The following CNTNAP2 variants were observed in gnomAD, a reference collection of about 807,000 sequenced individuals.
CNTNAP2 encodes contactin-associated protein-like 2.
In CNTNAP2, 98 loss-of-function variants were observed where a neutral mutation model predicts 155.2. That is an observed-to-expected ratio of 0.63 (90% CI 0.54 to 0.75). The LOEUF (loss-of-function observed/expected upper bound fraction) is 0.75, where lower values mean the gene tolerates loss of function less well. Among genes scored for constraint, CNTNAP2 ranks in the 30% least tolerant of loss-of-function variants. CNTNAP2 has a pLI of 0.00. For missense variants in CNTNAP2, 1,727 were observed against 1,688.1 expected (o/e 1.02, Z -0.40); for synonymous variants, 651 against 631.2 (o/e 1.03, Z -0.47).
chr7:146,537,017 C>T (rs888920474), intron 1 of CNTNAP2, among the ~76,000 whole-genome samples: 26 of 151,996 alleles, frequency 1.7e-4, no homozygotes, highest in South Asian at 6.2e-4. Flanking sequence ...TATATTTGAA[C>T]GGTTAAAATT....
intron 1 of CNTNAP2, among the ~76,000 whole-genome samples, chr7:146,151,661 T>C (rs1449369917): frequency 0.011 from 428 of 40,476 alleles, 10 homozygotes; most frequent in Admixed American, 0.015. Flanking sequence ...TATATATATA[T>C]ATATATATAT....
At chr7:146,865,506 A>G (rs1262201391) in intron 3 of CNTNAP2, among the ~76,000 whole-genome samples, 6 of 152,164 alleles carry the variant, frequency 3.9e-5, no homozygotes, top group Admixed American at 3.9e-4. Context: ...ATATATATGG[A>G]GAATTAAATT....
In CNTNAP2 at chr7:147,125,815, G is replaced by GA. The variant is rs371767673; in HGVS notation, c.940-2871dup. Among the ~76,000 whole-genome samples, 200 of 152,180 alleles carry GA rather than the reference G, an allele frequency of 1.3e-3. 1 individual carries two copies. Among genetic ancestry groups the GA allele is most frequent in the African/African-American group, 4.6e-3 (192 of 41,548 alleles). The stretch of plus-strand genomic sequence containing the variant: ...TATGAGGAGGCAACAGGAAGTAATA[G>GA]AAAAAAATGTGTGTGAGTTAAGATT... On this transcript the variant is annotated intron_variant, in intron 6 of 23. Transcript: ENST00000361727.
intron 13 of CNTNAP2, among the ~76,000 whole-genome samples, chr7:147,886,342 G>A (rs1412953533): frequency 1.3e-5 from 2 of 151,788 alleles, no homozygotes; most frequent in Non-Finnish European, 1.5e-5. Flanking sequence ...AGGTGTGGTG[G>A]CAGGCACCTG....
At chr7:146,979,825 A>G (rs1367167379) in intron 3 of CNTNAP2, among the ~76,000 whole-genome samples, 1 of 152,226 alleles carries the variant, frequency 6.6e-6, no homozygotes, top group African/African-American at 2.4e-5. Flanking sequence ...CTGACTCCTT[A>G]TAAGAGGACT....
In CNTNAP2 at chr7:148,393,770, GA is replaced by G. The variant is rs372032005; in HGVS notation, c.3715+9887del. Among the ~76,000 whole-genome samples the G allele has an allele frequency of 2.6e-4, 39 of 152,030 alleles. No homozygotes were observed. In the South Asian group the frequency reaches 7.1e-3, roughly 28 times the overall value. On this transcript the variant is annotated intron_variant, in intron 22 of 23. Coordinates refer to ENST00000361727, the MANE Select transcript of CNTNAP2 (RefSeq NM_014141.6). ...TCTTTTAAATGTGGCTGTTCTATAT[GA>G]AAAATAAAATTTTCTTGTTATAGTT... is the stretch of plus-strand genomic sequence containing the variant.
At chr7:146,515,591 T>G (rs1797529300) in intron 1 of CNTNAP2, among the ~76,000 whole-genome samples, 1 of 152,068 alleles carries the variant, frequency 6.6e-6, no homozygotes. Context: ...CCCACTTTTG[T>G]TGCTCTTCCT....
intron 3 of CNTNAP2, among the ~76,000 whole-genome samples, chr7:146,851,713 T>G (rs1358241095): frequency 2.1e-5 from 3 of 146,174 alleles, no homozygotes; most frequent in African/African-American, 7.6e-5. Context: ...TTGATGGTAT[T>G]GCTCTGTCAC....
chr7:146,744,985 C>A (rs1183490655), intron 1 of CNTNAP2, among the ~76,000 whole-genome samples: 1 of 152,144 alleles, frequency 6.6e-6, no homozygotes, highest in Non-Finnish European at 1.5e-5. Flanking sequence ...ATATTCAACT[C>A]CCTAATCCAA....
At chr7:147,363,840 T>C (rs183431454) in intron 9 of CNTNAP2, among the ~76,000 whole-genome samples, 2 of 152,334 alleles carry the variant, frequency 1.3e-5, no homozygotes, top group East Asian at 3.9e-4. Flanking sequence ...ATCTAGCACA[T>C]GCAGTTTTAG....
chr7:147,772,566 C>T (rs1225365157), intron 13 of CNTNAP2, among the ~76,000 whole-genome samples: 1 of 148,996 alleles, frequency 6.7e-6, no homozygotes, highest in Non-Finnish European at 1.5e-5. Context: ...CACAGCTGCA[C>T]AGTTCCAGTA....
At chr7:147,373,347 A>AT (rs34586893) in intron 9 of CNTNAP2, among the ~76,000 whole-genome samples, 1 of 152,024 alleles carries the variant, frequency 6.6e-6, no homozygotes, top group Non-Finnish European at 1.5e-5. Flanking sequence ...GTCTTACTAG[A>AT]TTTTTTTAAC....
intron 8 of CNTNAP2, among the ~76,000 whole-genome samples, chr7:147,216,960 T>C (rs1354603774): frequency 6.6e-6 from 1 of 152,042 alleles, no homozygotes; most frequent in African/African-American, 2.4e-5. Flanking sequence ...AGTATGTTCT[T>C]AATTTCAAAT....
rs900800055 is a variant in CNTNAP2, at chr7:147,561,699, A to G, written c.1778-439A>G. 1.1e-4 allele frequency among the ~76,000 whole-genome samples: 16 copies of G among 152,124 alleles called. 1 individual carries two copies. The highest frequency in any genetic ancestry group is 9.2e-4 in the Admixed American group (14 of 15,268). ...AAAAAATAAGTGTGCATGTGAGTGT[A>G]TGTGTGTGTGTGCACAAGAGAGAGG... On this transcript the variant is annotated intron_variant, in intron 11 of 23. Transcript: ENST00000361727.
At chr7:146,696,509 T>C (rs1232220758) in intron 1 of CNTNAP2, among the ~76,000 whole-genome samples, 1 of 152,160 alleles carries the variant, frequency 6.6e-6, no homozygotes, top group Non-Finnish European at 1.5e-5. Context: ...ACTAATTTCC[T>C]GTTTTCAATT....
chr7:146,543,758 A>C (rs1797988505), intron 1 of CNTNAP2, among the ~76,000 whole-genome samples: 1 of 151,934 alleles, frequency 6.6e-6, no homozygotes, highest in Admixed American at 6.6e-5. Context: ...TATAAACTTC[A>C]AAATATATCT....
intron 1 of CNTNAP2, among the ~76,000 whole-genome samples, chr7:146,333,985 A>G (rs1490503033): frequency 1.3e-5 from 2 of 152,352 alleles, no homozygotes; most frequent in South Asian, 4.1e-4. Flanking sequence ...ATCCTGATCC[A>G]TGACTAGGAA....
chr7:147,277,550 T>C (rs547671237), intron 8 of CNTNAP2, among the ~76,000 whole-genome samples: 1 of 152,058 alleles, frequency 6.6e-6, no homozygotes, highest in South Asian at 2.1e-4. Flanking sequence ...TTTTCCAATG[T>C]TGAATGGAGA....
intron 13 of CNTNAP2, among the ~76,000 whole-genome samples, chr7:147,809,828 C>G (rs184420323): frequency 1.3e-5 from 2 of 152,174 alleles, no homozygotes; most frequent in Non-Finnish European, 2.9e-5. Context: ...TTACTTGAAA[C>G]GTATGTTAGA....
Sources: gnomAD v4.1 joint callset for allele counts (sites outside exome capture counted in the v4.1 genomes callset) on GRCh38, gnomAD v4.1.1 for gene constraint, MANE v1.5 for transcripts, NCBI Gene and HGNC (gene_info 2026-07-23, HGNC 2026-07-21) for gene names.